FGF1: variants seen among roughly 807,000 people sequenced by gnomAD.
FGF1 encodes beta-endothelial cell growth factor.
FGF1 carries 9 observed loss-of-function variants against 13.4 expected under a neutral mutation model. The ratio of observed to expected loss-of-function variants is 0.67; its 90% confidence interval spans 0.40 to 1.17. The LOEUF is 1.17. Ranked by LOEUF, FGF1 falls within the 50% of genes most tolerant of loss-of-function variation. The pLI is 0.01. For missense variants in FGF1, 156 were observed against 192.7 expected (o/e 0.81, Z 1.13); for synonymous variants, 93 against 79.0 (o/e 1.18, Z -0.94).
intron 1 of FGF1, among the ~76,000 whole-genome samples, chr5:142,683,384 C>T (rs1395378359): frequency 6.6e-6 from 1 of 152,176 alleles, no homozygotes; most frequent in African/African-American, 2.4e-5. Flanking sequence ...CATTCCTAGA[C>T]TCCAGATATT....
chr5:142,634,297 A>C (rs1279733301), intron 1 of FGF1, among the ~76,000 whole-genome samples: 4 of 152,272 alleles, frequency 2.6e-5, no homozygotes, highest in African/African-American at 9.6e-5. Context: ...TATTAAATGC[A>C]GGGCTTTTGT....
At chr5:142,664,080 C>G (rs1464389201) in intron 1 of FGF1, among the ~76,000 whole-genome samples, 1 of 152,200 alleles carries the variant, frequency 6.6e-6, no homozygotes, top group Non-Finnish European at 1.5e-5. Context: ...GGCCTCACAA[C>G]CAGCACCCCT....
chr5:142,694,523 G>A (rs988005367), intron 2 of FGF1, among the ~76,000 whole-genome samples: 1 of 152,138 alleles, frequency 6.6e-6, no homozygotes, highest in Non-Finnish European at 1.5e-5. Context: ...GGCTTGATGT[G>A]GGGGCACAGA....
Position 142,613,942 on chromosome 5 carries a change from C to T in FGF1, c.169+17G>A. 1 of 1,610,934 alleles carries T rather than the reference C, an allele frequency of 6.2e-7. No individual in the cohort carries two copies. Among genetic ancestry groups the T allele is most frequent in the Non-Finnish European group, 8.5e-7 (1 of 1,178,554 alleles). Reference sequence around the variant, plus strand: ...GATGTCAGAAAGGGAAGGGGGGTGCCATAGAGATGGGCTTACTGTGCTGGT... The same window carrying T: ...GATGTCAGAAAGGGAAGGGGGGTGCTATAGAGATGGGCTTACTGTGCTGGT... On this transcript the variant is annotated intron_variant, in intron 2 of 3. Coordinates refer to ENST00000337706, the MANE Select transcript of FGF1 (RefSeq NM_000800.5).
Position 142,595,492 on chromosome 5 carries a change from G to T in FGF1, c.274-8C>A. The T allele has an allele frequency of 1.2e-6, 2 of 1,610,972 alleles. No individual in the cohort carries two copies. The highest frequency in any genetic ancestry group is 1.7e-6 in the Non-Finnish European group (2 of 1,178,432). ...TTCCTCATTTGGTGTCTGCTAAAAA[G>T]ATAAAACCAAAAGAGAGTAGGACAA... is the stretch of plus-strand genomic sequence containing the variant. On this transcript the variant is annotated splice_region_variant and splice_polypyrimidine_tract_variant and intron_variant, in intron 3 of 3. Transcript: ENST00000337706.
intron 1 of FGF1, among the ~76,000 whole-genome samples, chr5:142,646,444 C>G (rs115539011): frequency 0.024 from 3,701 of 151,740 alleles, 157 homozygotes; most frequent in African/African-American, 0.085. Flanking sequence ...ATTCCACCTC[C>G]TAGGTTCAAG....
chr5:142,690,424 A>C (rs1752010505), upstream of FGF1, among the ~76,000 whole-genome samples: 1 of 152,242 alleles, frequency 6.6e-6, no homozygotes, highest in Non-Finnish European at 1.5e-5. Flanking sequence ...TAAGAGGTAT[A>C]AAACGACACT....
At chr5:142,652,933 G>A (rs761925159) in intron 1 of FGF1, among the ~76,000 whole-genome samples, 9 of 152,206 alleles carry the variant, frequency 5.9e-5, no homozygotes, top group Non-Finnish European at 1.0e-4. Flanking sequence ...AATAAGATTT[G>A]TTTTCTTTCA....
intron 1 of FGF1, among the ~76,000 whole-genome samples, chr5:142,674,142 C>A (rs981780936): frequency 3.9e-5 from 6 of 152,200 alleles, no homozygotes; most frequent in African/African-American, 1.4e-4. Flanking sequence ...CCTCCCCTCC[C>A]AATGTATAAT....
chr5:142,643,302 C>T (rs1195996199), intron 1 of FGF1, among the ~76,000 whole-genome samples: 1 of 152,064 alleles, frequency 6.6e-6, no homozygotes, highest in Non-Finnish European at 1.5e-5. Flanking sequence ...AAATTACACA[C>T]ACACACACAC....
At chr5:142,599,672 A>T (rs1039160868) in intron 3 of FGF1, among the ~76,000 whole-genome samples, 1 of 152,240 alleles carries the variant, frequency 6.6e-6, no homozygotes, top group African/African-American at 2.4e-5. Context: ...CTCCTGTCAC[A>T]GAGATACCAA....
At chr5:142,658,432 G>A (rs1431562812) in intron 1 of FGF1, among the ~76,000 whole-genome samples, 2 of 152,182 alleles carry the variant, frequency 1.3e-5, no homozygotes, top group Admixed American at 6.5e-5. Context: ...AAAGGCCAAA[G>A]GCCAAACTTC....
intron 1 of FGF1, among the ~76,000 whole-genome samples, chr5:142,625,882 G>T (rs890838625): frequency 2.0e-5 from 3 of 152,206 alleles, no homozygotes; most frequent in Admixed American, 1.3e-4. Context: ...AAGATGGTCT[G>T]TTGGCTGCAT....
At chr5:142,621,508 C>T (rs945884836) in intron 1 of FGF1, among the ~76,000 whole-genome samples, 4 of 152,022 alleles carry the variant, frequency 2.6e-5, no homozygotes, top group African/African-American at 9.7e-5. Flanking sequence ...TGGACACATC[C>T]CCCAACCCTA....
intron 1 of FGF1, among the ~76,000 whole-genome samples, chr5:142,664,290 C>T (rs1046114885): frequency 1.3e-5 from 2 of 152,180 alleles, no homozygotes; most frequent in African/African-American, 2.4e-5. Context: ...ATGGGTCAGG[C>T]AAGGCAGGGA....
chr5:142,666,177 TA>T (rs1561709248), intron 1 of FGF1, among the ~76,000 whole-genome samples: 2 of 151,298 alleles, frequency 1.3e-5, no homozygotes, highest in African/African-American at 2.4e-5. Context: ...CTTGTTATAT[TA>T]GGGTGAAATC....
At chr5:142,633,113 G>A (rs541242724) in intron 1 of FGF1, among the ~76,000 whole-genome samples, 1 of 152,042 alleles carries the variant, frequency 6.6e-6, no homozygotes. Context: ...TAGAGACGGG[G>A]TTTCACCATC....
intron 2 of FGF1, among the ~76,000 whole-genome samples, chr5:142,603,427 C>T (rs1757009646): frequency 6.6e-6 from 1 of 152,098 alleles, no homozygotes; most frequent in Non-Finnish European, 1.5e-5. Context: ...TCCTCCTCTG[C>T]CCCTTGTTTC....
intron 1 of FGF1, among the ~76,000 whole-genome samples, chr5:142,661,982 A>G (rs1193972353): frequency 6.6e-6 from 1 of 152,144 alleles, no homozygotes; most frequent in Non-Finnish European, 1.5e-5. Flanking sequence ...CCTGGGCGAC[A>G]GAGCAAGACT....
Sources: gnomAD v4.1 joint callset for allele counts (sites outside exome capture counted in the v4.1 genomes callset) on GRCh38, gnomAD v4.1.1 for gene constraint, MANE v1.5 for transcripts, NCBI Gene and HGNC (gene_info 2026-07-23, HGNC 2026-07-21) for gene names.